The following AKAP6 variants were observed in gnomAD, a reference collection of about 807,000 sequenced individuals.
The protein encoded by AKAP6 is A-kinase anchor protein 6.
In AKAP6, 58 loss-of-function variants were observed where a neutral mutation model predicts 188.5. The ratio of observed to expected loss-of-function variants is 0.31; its 90% CI spans 0.25 to 0.38. The LOEUF (loss-of-function observed/expected upper bound fraction) is 0.38, where lower values mean the gene tolerates loss of function less well. Among genes scored for constraint, AKAP6 ranks in the 10% least tolerant of loss-of-function variants. The probability of loss-of-function intolerance (pLI) is 1.00; values close to 1 mark genes in which losing one functional copy is unlikely to be tolerated. For missense variants in AKAP6, 2,710 were observed against 2,740.0 expected (o/e 0.99, Z 0.24); for synonymous variants, 989 against 998.6 (o/e 0.99, Z 0.18).
chr14:32,466,826 A>ATT lies in AKAP6; in HGVS notation c.324+33010_324+33011dup, dbSNP rs1164299824. Among the ~76,000 whole-genome samples the ATT allele has an allele frequency of 7.6e-4, 60 of 78,842 alleles. 3 individuals are homozygous for ATT. The highest frequency in any genetic ancestry group is 2.5e-3 in the African/African-American group (16 of 6,392). The allele number at this position is 78,842 out of a possible 152,430, so 51.7% of individuals were successfully genotyped here. On this transcript the variant is annotated intron_variant, in intron 2 of 13. Transcript: ENST00000280979. ...TCAAAATATAAGCTGTAAAAACAAG[A>ATT]TTATATATATATATATATATTTTCT...
Position 32,460,455 on chromosome 14 carries a change from G to A in AKAP6, c.324+26638G>A, listed in dbSNP as rs12323684. On this transcript the variant is annotated intron_variant, in intron 2 of 13. Coordinates refer to ENST00000280979, the MANE Select transcript of AKAP6 (RefSeq NM_004274.5). The stretch of plus-strand genomic sequence containing the variant: ...AGGGTGAGCAGAAGCAGGGTGGGGC[G>A]TTGCTTCACCCGGGAAGTGCAAGGA... Among the ~76,000 whole-genome samples the A allele has an allele frequency of 6.4e-3, 970 of 152,286 alleles. 9 individuals are homozygous for A. The highest frequency in any genetic ancestry group is 0.021 in the African/African-American group (885 of 41,558).
In AKAP6 at chr14:32,773,904, C is replaced by A; in HGVS notation, c.3588+11C>A. On this transcript the variant is annotated intron_variant, in intron 12 of 13. Transcript: ENST00000280979. ...ATGGGAAAGGAATCTGTGAGTGATG[C>A]TTTTTTTAAGCATAATTGTCTGTCA... 1 of 1,610,664 alleles carries A rather than the reference C, an allele frequency of 6.2e-7. No homozygotes were observed. The highest frequency in any genetic ancestry group is 1.3e-5 in the African/African-American group (1 of 74,922).
At chr14:32,787,031 G>A (rs540707691) in intron 12 of AKAP6, among the ~76,000 whole-genome samples, 4 of 152,290 alleles carry the variant, frequency 2.6e-5, no homozygotes, top group South Asian at 4.1e-4. Context: ...ATAAGGCCAC[G>A]ATAAATGGGA....
At chr14:32,686,799 T>C (rs546105257) in intron 8 of AKAP6, among the ~76,000 whole-genome samples, 2 of 151,928 alleles carry the variant, frequency 1.3e-5, no homozygotes, top group South Asian at 4.2e-4. Flanking sequence ...TCCAAGAGAG[T>C]TTTTAGGGAC....
At chr14:32,723,557 T>TGTGTGTGTGTGTG (rs35237019) in intron 9 of AKAP6, among the ~76,000 whole-genome samples, 128 of 141,192 alleles carry the variant, frequency 9.1e-4, no homozygotes, top group African/African-American at 2.6e-3. Context: ...GCGTATGTGT[T>TGTGTGTGTGTGTG]TATGTGTGTG....
At chr14:32,386,015 AT>A (rs1480627636) in intron 1 of AKAP6, among the ~76,000 whole-genome samples, 1 of 149,772 alleles carries the variant, frequency 6.7e-6, no homozygotes, top group Non-Finnish European at 1.5e-5. Flanking sequence ...CTATATCTAT[AT>A]CTATCTATCT....
At chr14:32,779,232 CA>C (rs912338947) in intron 12 of AKAP6, among the ~76,000 whole-genome samples, 1 of 151,164 alleles carries the variant, frequency 6.6e-6, no homozygotes, top group African/African-American at 2.4e-5. Context: ...CCCGTCACTA[CA>C]AAAAAATAAA....
intron 7 of AKAP6, among the ~76,000 whole-genome samples, chr14:32,613,423 G>A (rs1442812072): frequency 6.6e-6 from 1 of 152,170 alleles, no homozygotes; most frequent in African/African-American, 2.4e-5. Context: ...AACTTTCAGT[G>A]TTTAAACCTT....
intron 7 of AKAP6, among the ~76,000 whole-genome samples, chr14:32,627,449 A>G (rs565716360): frequency 8.7e-4 from 132 of 152,090 alleles, no homozygotes; most frequent in Admixed American, 2.6e-3. Context: ...TTTGCTACCA[A>G]CTCAGCCCAC....
At position 32,626,783 on chromosome 14, in the gene AKAP6, T is replaced by C. The variant is rs74652958; in HGVS notation, c.2730+25991T>C. On this transcript the variant is annotated intron_variant, in intron 7 of 13. Transcript: ENST00000280979. ...GCATTTGATGCATCCCCTCAGCACA[T>C]TGCTTCGGTGTGGTTTCTCACATAT... Among the ~76,000 whole-genome samples the C allele has an allele frequency of 1.3e-3, 202 of 152,226 alleles. 5 individuals carry two copies. The East Asian group carries it at 0.034, about 25-fold the overall frequency.
At chr14:32,669,623 A>T (rs538612903) in intron 7 of AKAP6, among the ~76,000 whole-genome samples, 1 of 152,186 alleles carries the variant, frequency 6.6e-6, no homozygotes, top group Non-Finnish European at 1.5e-5. Context: ...AAGTGTATTC[A>T]TCCATTCTCA....
intron 8 of AKAP6, among the ~76,000 whole-genome samples, chr14:32,693,070 A>G (rs1890248352): frequency 1.3e-5 from 2 of 152,188 alleles, no homozygotes; most frequent in South Asian, 2.1e-4. Flanking sequence ...AGGGATTTAC[A>G]TGATCTTGTA....
At chr14:32,748,921 T>C (rs2032018887) in intron 11 of AKAP6, among the ~76,000 whole-genome samples, 1 of 152,138 alleles carries the variant, frequency 6.6e-6, no homozygotes, top group Non-Finnish European at 1.5e-5. Flanking sequence ...TCTCCAAAAT[T>C]ATTGCATTAT....
intron 1 of AKAP6, among the ~76,000 whole-genome samples, chr14:32,345,171 G>A (rs1162397437): frequency 6.6e-6 from 1 of 152,102 alleles, no homozygotes; most frequent in African/African-American, 2.4e-5. Context: ...AAAACACAAG[G>A]TTGTCAAGGG....
At chr14:32,628,571 G>C (rs1356121827) in intron 7 of AKAP6, among the ~76,000 whole-genome samples, 1 of 151,994 alleles carries the variant, frequency 6.6e-6, no homozygotes, top group African/African-American at 2.4e-5. Context: ...AGGAAGTTCT[G>C]TCTTTTGTTT....
intron 6 of AKAP6, among the ~76,000 whole-genome samples, chr14:32,600,287 T>C (rs1885872049): frequency 6.6e-6 from 1 of 152,224 alleles, no homozygotes; most frequent in Non-Finnish European, 1.5e-5. Flanking sequence ...TCTACACAGA[T>C]ACACACAGAG....
Position 32,822,254 on chromosome 14 carries a change from C to A in AKAP6, c.4441C>A (p.Pro1481Thr), listed in dbSNP as rs2034545823. The A allele has an allele frequency of 2.5e-6, 4 of 1,613,748 alleles. No individual in the cohort carries two copies. Among genetic ancestry groups the A allele is most frequent in the Non-Finnish European group, 2.5e-6 (3 of 1,179,936 alleles). Residue 1481 changes from proline (P) to threonine (T), a missense_variant, in exon 13 of 14, where the codon CCA becomes ACA. By Grantham distance (38) the Pro-to-Thr change is conservative. Transcript: ENST00000280979. The stretch of plus-strand genomic sequence containing the variant: ...CCTCCAAGGCTCAAAACTCAAATTA[C>A]CAATGATAATGAAACAGTCACAAAG... ...SYLQGSKLKL[P>T]MIMKQSQSEK...
At chr14:32,591,695 A>G (rs1220840978) in intron 5 of AKAP6, among the ~76,000 whole-genome samples, 1 of 131,708 alleles carries the variant, frequency 7.6e-6, no homozygotes, top group African/African-American at 2.9e-5. Context: ...TATAATGCTT[A>G]TCTTTTTGAT....
chr14:32,492,306 A>G (rs1190157344), intron 2 of AKAP6, among the ~76,000 whole-genome samples: 4 of 144,374 alleles, frequency 2.8e-5, no homozygotes, highest in African/African-American at 9.9e-5. Flanking sequence ...CACACTCTGT[A>G]GATATCACTG....
Sources: allele counts gnomAD v4.1 joint callset (sites outside exome capture counted in the v4.1 genomes callset), GRCh38; gene constraint gnomAD v4.1.1; transcripts MANE v1.5; gene names NCBI Gene and HGNC (gene_info 2026-07-23, HGNC 2026-07-21).